The following ECE1 variants were observed in gnomAD, a reference collection of about 807,000 sequenced individuals.
ECE1 encodes endothelin converting enzyme 1.
In ECE1, 35 loss-of-function variants were observed where a neutral mutation model predicts 98.6. The observed-to-expected ratio is 0.35, with a 90% CI of 0.27 to 0.47. The LOEUF is 0.47. ECE1 is among the 20% of genes least tolerant of loss of function. ECE1 has a pLI of 1.00. For synonymous variants in ECE1, 394 were observed against 407.1 expected (o/e 0.97, Z 0.39); for missense variants, 814 against 1,025.3 (o/e 0.79, Z 2.81).
At chr1:21,232,740 C>T (rs182726123) in intron 14 of ECE1, among the ~76,000 whole-genome samples, 1,516 of 150,422 alleles carry the variant, frequency 0.01, 26 homozygotes, top group African/African-American at 0.034. Context: ...GGCACGATCT[C>T]GGCTCACTGC....
In ECE1 at chr1:21,279,316, G is replaced by A. The variant is rs2098251560; in HGVS notation, c.155C>T (p.Pro52Leu). The A allele has an allele frequency of 1.2e-6, 2 of 1,614,064 alleles. No individual in the cohort carries two copies. The highest frequency in any genetic ancestry group is 8.5e-7 in the Non-Finnish European group (1 of 1,180,046). Residue 52 changes from proline to leucine, a missense_variant, in exon 3 of 19, where the codon CCC becomes CTC. By Grantham distance (98) the Pro-to-Leu change is moderately conservative (BLOSUM62 -3). Coordinates refer to ENST00000374893, the MANE Select transcript of ECE1 (RefSeq NM_001397.3). Reference sequence around the variant, plus strand: ...AGCCCAGCACCTCTGGCCACTCCGGGGGCTGTGGAAGTTCACCTGCAGGGA... The same window carrying A: ...AGCCCAGCACCTCTGGCCACTCCGGAGGCTGTGGAAGTTCACCTGCAGGGA... ...PNGLQVNFHS[P>L]RSGQRCWAAR...
Position 21,247,352 on chromosome 1 carries a change from G to A in ECE1, c.1032C>T (p.Pro344=), listed in dbSNP as rs745603421. The A allele has an allele frequency of 6.2e-6, 10 of 1,614,224 alleles. No individual in the cohort carries two copies. The highest frequency in any genetic ancestry group is 7.6e-6 in the Non-Finnish European group (9 of 1,180,042). Reference sequence around the variant, plus strand: ...TGAGAAAAGGCAACCAGTTGATGGCGGGTGCCAAGGTCTGCAAGGGAAAAG... The same window carrying A: ...TGAGAAAAGGCAACCAGTTGATGGCAGGTGCCAAGGTCTGCAAGGGAAAAG... ...VTAAELQTLA[P]AINWLPFLNT... is the part of the protein sequence containing the mutation. The change falls in exon 9 of 19, where the codon CCC becomes CCT. Residue 344 remains proline (P), a synonymous_variant. Transcript: ENST00000374893.
At chr1:21,239,251 T>C (rs748127436) in intron 10 of ECE1, among the ~76,000 whole-genome samples, 1 of 152,220 alleles carries the variant, frequency 6.6e-6, no homozygotes, top group Non-Finnish European at 1.5e-5. Flanking sequence ...CTCCTGGGCA[T>C]GGCCCAGGGA....
At chr1:21,226,162 T>C (rs940435149) in intron 16 of ECE1, among the ~76,000 whole-genome samples, 3 of 152,136 alleles carry the variant, frequency 2.0e-5, no homozygotes, top group African/African-American at 7.2e-5. Flanking sequence ...GAGGAGGATT[T>C]TGGACATTAG....
At chr1:21,247,092 C>T in intron 9 of ECE1, 129 bp downstream of exon 9, 1 of 1,297,786 alleles carries the variant, frequency 7.7e-7, no homozygotes, top group Non-Finnish European at 1.1e-6. Flanking sequence ...GGATGTCCTG[C>T]TGCCTCTCGT....
intron 1 of ECE1, among the ~76,000 whole-genome samples, chr1:21,341,968 T>C (rs917516401): frequency 2.6e-5 from 4 of 152,136 alleles, no homozygotes; most frequent in African/African-American, 9.7e-5. Context: ...TCCCACAGTG[T>C]TTCTACATAC....
rs1573923783 is a variant in ECE1 at position 21,221,846 on chromosome 1, G to A, written c.2041-4C>T. 6.2e-7 allele frequency: 1 copy of A among 1,614,102 alleles called. No homozygotes were observed. On this transcript the variant is annotated splice_polypyrimidine_tract_variant and splice_region_variant and intron_variant, in intron 17 of 18. Transcript: ENST00000374893. Reference sequence around the variant, plus strand: ...TCTTCACCCAGTTCTGGTAAGCCTGGGAGGAGAGAAAACCAAAGCTCAGGG... The same window carrying A: ...TCTTCACCCAGTTCTGGTAAGCCTGAGAGGAGAGAAAACCAAAGCTCAGGG...
At chr1:21,273,691 CG>C (rs1355480447) in intron 3 of ECE1, among the ~76,000 whole-genome samples, 7 of 152,226 alleles carry the variant, frequency 4.6e-5, no homozygotes, top group African/African-American at 1.4e-4. Context: ...CGCCAGGTGC[CG>C]TGGCTCACGC....
At chr1:21,321,949 G>A (rs1040091983) in intron 1 of ECE1, among the ~76,000 whole-genome samples, 29 of 152,178 alleles carry the variant, frequency 1.9e-4, no homozygotes, top group Non-Finnish European at 4.1e-4. Context: ...AACTGAGGCT[G>A]AGAGAGGGAA....
rs889018129 is a variant in ECE1, at chr1:21,235,371, A to G, written c.1566+479T>C. Among the ~76,000 whole-genome samples, 1 of 152,190 alleles carries G rather than the reference A, an allele frequency of 6.6e-6. No homozygotes were observed. Among genetic ancestry groups the G allele is most frequent in the Non-Finnish European group, 1.5e-5 (1 of 68,032 alleles). ...CCATTAGCATTTCAAAGTCAAAATCAGAGGTCCGGGTTTCTGGGGAGGTGG... is the reference window on the plus strand; with the variant it reads ...CCATTAGCATTTCAAAGTCAAAATCGGAGGTCCGGGTTTCTGGGGAGGTGG... On this transcript the variant is annotated intron_variant, in intron 13 of 18. Transcript: ENST00000374893. The surrounding 1 kb of genome is among the most constrained non-coding windows in gnomAD (Gnocchi z 4.2).
At chr1:21,270,319 C>T (rs150223997) in intron 4 of ECE1, among the ~76,000 whole-genome samples, 57 of 152,362 alleles carry the variant, frequency 3.7e-4, no homozygotes, top group African/African-American at 1.3e-3. Context: ...CAGTGCACAG[C>T]GCACGGCGGA....
chr1:21,304,315 CAAAAAAAAAAAAAAA>C (rs71014183), intron 1 of ECE1, among the ~76,000 whole-genome samples: 5 of 48,638 alleles, frequency 1.0e-4, no homozygotes, highest in Admixed American at 2.6e-4. Flanking sequence ...GACTCCCTCT[CAAAAAAAAAAAAAAA>C]AAAAAAAAAA....
At position 21,220,152 on chromosome 1, in the gene ECE1, G is replaced by A. The variant is rs748922863; in HGVS notation, c.2137-21C>T. 1.9e-6 allele frequency: 3 copies of A among 1,602,320 alleles called. No individual in the cohort carries two copies. Among genetic ancestry groups the A allele is most frequent in the South Asian group, 1.1e-5 (1 of 89,622 alleles). ...CAGACCTTTGAAGGGGCAACAGGGA[G>A]AGGCCAGGGTCACTGTGGGGCCCTC... On this transcript the variant is annotated intron_variant, in intron 18 of 18. Transcript: ENST00000374893. The surrounding 1 kb of genome is among the most constrained non-coding windows in gnomAD (Gnocchi z 5.0).
At chr1:21,331,904 T>A (rs926009452) in intron 1 of ECE1, among the ~76,000 whole-genome samples, 3 of 152,158 alleles carry the variant, frequency 2.0e-5, no homozygotes, top group African/African-American at 7.2e-5. Flanking sequence ...AAAGCCCTAA[T>A]GCAGACAGAA....
chr1:21,235,941 A>G lies in ECE1; in HGVS notation c.1489-14T>C, dbSNP rs1327970558. On this transcript the variant is annotated splice_polypyrimidine_tract_variant and intron_variant, in intron 12 of 18. Coordinates refer to ENST00000374893, the MANE Select transcript of ECE1 (RefSeq NM_001397.3). This position sits in a 1 kb window ranked among gnomAD's most constrained non-coding sequence, Gnocchi z 4.2. ...GATGGCATCGGCCTGGACAGGACAG[A>G]CAGAGGAAGTGAGTGCCCGGCAACA... 6.2e-7 allele frequency: 1 copy of G among 1,613,602 alleles called. No individual in the cohort carries two copies. The highest frequency in any genetic ancestry group is 8.5e-7 in the Non-Finnish European group (1 of 1,179,578).
chr1:21,318,443 A>G (rs1396248536), intron 1 of ECE1, among the ~76,000 whole-genome samples: 1 of 152,038 alleles, frequency 6.6e-6, no homozygotes, highest in Admixed American at 6.6e-5. Flanking sequence ...AACAAAGGTC[A>G]GCCTGGCCTA....
chr1:21,283,829 G>C (rs2098257710), intron 2 of ECE1, among the ~76,000 whole-genome samples: 1 of 152,192 alleles, frequency 6.6e-6, no homozygotes, highest in African/African-American at 2.4e-5. Flanking sequence ...CATAGTTCCA[G>C]GCAAGAATGG....
At position 21,327,786 on chromosome 1, in the gene ECE1, C is replaced by G. The variant is rs1451659072; in HGVS notation, c.3+17590G>C. 1.3e-5 allele frequency among the ~76,000 whole-genome samples: 2 copies of G among 152,188 alleles called. No homozygotes were observed. Among genetic ancestry groups the G allele is most frequent in the African/African-American group, 4.8e-5 (2 of 41,436 alleles). On this transcript the variant is annotated intron_variant, in intron 1 of 18. Coordinates refer to the ECE1 transcript ENST00000415912. This position sits in a 1 kb window ranked among gnomAD's most constrained non-coding sequence, Gnocchi z 4.6. Reference sequence around the variant, plus strand: ...ATGGCCTGTTAGGAACCGGGCCGCACAGCAGGAGGTGAGCTGTGGGTGGAC... The same window carrying G: ...ATGGCCTGTTAGGAACCGGGCCGCAGAGCAGGAGGTGAGCTGTGGGTGGAC...
intron 7 of ECE1, among the ~76,000 whole-genome samples, chr1:21,257,067 G>A (rs963474084): frequency 3.9e-5 from 6 of 152,148 alleles, no homozygotes; most frequent in African/African-American, 9.7e-5. Flanking sequence ...ACGTGGATCC[G>A]GATGTGAATC....
Sources: gnomAD v4.1 joint callset for allele counts (sites outside exome capture counted in the v4.1 genomes callset) on GRCh38, gnomAD v4.1.1 for gene constraint, Gnocchi (gnomAD v3.1) non-coding constraint, MANE v1.5 for transcripts, NCBI Gene and HGNC (gene_info 2026-07-23, HGNC 2026-07-21) for gene names.